AGPS: variants seen among roughly 807,000 people sequenced by gnomAD.
AGPS encodes alkylglycerone phosphate synthase, also known as alkyldihydroxyacetonephosphate synthase, peroxisomal.
A neutral mutation model predicts 90.7 loss-of-function variants in AGPS; 26 were observed. The observed-to-expected ratio is 0.29, with a 90% CI of 0.21 to 0.40. The LOEUF is 0.40. Among genes scored for constraint, AGPS ranks in the 10% least tolerant of loss-of-function variants. The pLI is 1.00. For missense variants in AGPS, 540 were observed against 816.1 expected (o/e 0.66, Z 4.12); for synonymous variants, 294 against 285.3 (o/e 1.03, Z -0.31).
chr2:177,470,164 A>G (rs1687570413), intron 10 of AGPS, among the ~76,000 whole-genome samples: 1 of 152,154 alleles, frequency 6.6e-6, no homozygotes, highest in Admixed American at 6.5e-5. Context: ...TGTCTGCCTC[A>G]TTATGAGGCT....
intron 12 of AGPS, among the ~76,000 whole-genome samples, chr2:177,493,589 CAAT>C (rs768805289): frequency 6.6e-5 from 10 of 152,138 alleles, no homozygotes; most frequent in Non-Finnish European, 1.2e-4. Flanking sequence ...GTGTGAAACT[CAAT>C]GATGTGTGTT....
chr2:177,404,731 C>A (rs906696731), intron 1 of AGPS, among the ~76,000 whole-genome samples: 5 of 152,122 alleles, frequency 3.3e-5, no homozygotes, highest in Middle Eastern at 3.2e-3. Flanking sequence ...GCTTTGATTT[C>A]CAGATAGTAT....
intron 8 of AGPS, among the ~76,000 whole-genome samples, chr2:177,458,915 C>A (rs1687200970): frequency 6.6e-6 from 1 of 152,172 alleles, no homozygotes; most frequent in Non-Finnish European, 1.5e-5. Context: ...TGCTACCTGA[C>A]TTCAAACTAT....
At position 177,442,371 on chromosome 2, in the gene AGPS, T is replaced by A. The variant is rs747618661; in HGVS notation, c.710-36T>A. 2.3e-5 allele frequency: 35 copies of A among 1,497,730 alleles called. No individual in the cohort carries two copies. In the South Asian group the frequency reaches 2.4e-4, roughly 10 times the overall value. 92.8% of individuals were successfully genotyped at this position (1,497,730 alleles called of 1,614,324 possible). A position where few individuals can be genotyped will look rare whatever the true frequency, so the allele number is the denominator to read the frequency against. ...TAGAAATATAGCTAAAAACAGAATA[T>A]TTAAACATAAAAGTTGTTGTTTCCT... On this transcript the variant is annotated intron_variant, in intron 6 of 19. Transcript: ENST00000264167.
intron 8 of AGPS, among the ~76,000 whole-genome samples, chr2:177,453,397 G>A (rs758540668): frequency 5.3e-5 from 8 of 151,220 alleles, no homozygotes; most frequent in Non-Finnish European, 1.2e-4. Flanking sequence ...TCAGCCTCCA[G>A]AGTAGCTGGG....
At chr2:177,507,164 C>T (rs1346194712) in intron 15 of AGPS, among the ~76,000 whole-genome samples, 1 of 151,916 alleles carries the variant, frequency 6.6e-6, no homozygotes, top group African/African-American at 2.4e-5. Flanking sequence ...TAGATCAGAT[C>T]AGTAATTTGG....
At chr2:177,498,563 C>T (rs1688474515) in intron 13 of AGPS, among the ~76,000 whole-genome samples, 1 of 150,874 alleles carries the variant, frequency 6.6e-6, no homozygotes, top group Non-Finnish European at 1.5e-5. Flanking sequence ...AAAAGCCTTC[C>T]TTCCTCCAGT....
intron 12 of AGPS, among the ~76,000 whole-genome samples, chr2:177,496,689 T>C (rs1188847718): frequency 6.6e-6 from 1 of 152,070 alleles, no homozygotes; most frequent in East Asian, 1.9e-4. Context: ...CAGTTTCCTA[T>C]TATAATCAGC....
At chr2:177,528,843 T>C (rs1414876807) in intron 19 of AGPS, among the ~76,000 whole-genome samples, 1 of 140,448 alleles carries the variant, frequency 7.1e-6, no homozygotes, top group African/African-American at 2.6e-5. Context: ...ATCTTGCATA[T>C]TAATCCTTTT....
chr2:177,427,284 A>T (rs2105617860), intron 2 of AGPS, among the ~76,000 whole-genome samples: 1 of 151,404 alleles, frequency 6.6e-6, no homozygotes, highest in African/African-American at 2.4e-5. Context: ...CTGCCTATTT[A>T]TTTTTTCAAA....
chr2:177,424,322 A>G (rs1023042252), intron 2 of AGPS, among the ~76,000 whole-genome samples: 4 of 152,174 alleles, frequency 2.6e-5, no homozygotes, highest in African/African-American at 7.2e-5. Flanking sequence ...ATAGTATTCC[A>G]TGGTGTATAT....
At chr2:177,454,400 C>T (rs138451609) in intron 8 of AGPS, among the ~76,000 whole-genome samples, 84 of 151,796 alleles carry the variant, frequency 5.5e-4, no homozygotes, top group African/African-American at 1.9e-3. Context: ...TTAATTTGGG[C>T]CTTTTTATAT....
rs917918245 is a variant in AGPS at position 177,534,619 on chromosome 2, G to A, written c.1856-3455G>A. Among the ~76,000 whole-genome samples, 101 of 135,602 alleles carry A rather than the reference G, an allele frequency of 7.4e-4. 2 individuals carry two copies. The highest frequency in any genetic ancestry group is 2.3e-4 in the Non-Finnish European group (15 of 65,748). The allele number at this position is 135,602 out of a possible 152,430, so 89.0% of individuals were successfully genotyped here. On this transcript the variant is annotated intron_variant, in intron 19 of 19. Transcript: ENST00000264167. ...TTTTTTTTGTGAGCTATGGAGTCTC[G>A]CTCTGTCACCTGGGCTAGAATGCAG... is the stretch of plus-strand genomic sequence containing the variant.
At chr2:177,465,850 T>C (rs1310949863) in intron 9 of AGPS, among the ~76,000 whole-genome samples, 1 of 152,268 alleles carries the variant, frequency 6.6e-6, no homozygotes, top group Non-Finnish European at 1.5e-5. Flanking sequence ...TTCCCTCTCG[T>C]TGCCCTCCAT....
chr2:177,521,878 T>C (rs941770922), intron 18 of AGPS, among the ~76,000 whole-genome samples: 2 of 152,236 alleles, frequency 1.3e-5, no homozygotes, highest in Non-Finnish European at 2.9e-5. Flanking sequence ...AAGCTTTCTC[T>C]TGATAACCAA....
At chr2:177,421,496 T>G (rs1417459313) in intron 2 of AGPS, among the ~76,000 whole-genome samples, 1 of 152,054 alleles carries the variant, frequency 6.6e-6, no homozygotes, top group African/African-American at 2.4e-5. Context: ...ACCTCAGGAA[T>G]AGTAATTTGA....
chr2:177,466,863 C>A (rs1687468393), intron 9 of AGPS, among the ~76,000 whole-genome samples: 1 of 152,048 alleles, frequency 6.6e-6, no homozygotes, highest in Admixed American at 6.5e-5. Context: ...GCAGCCACAG[C>A]TGGGTGGCTG....
At chr2:177,483,147 T>C (rs1182801035) in intron 11 of AGPS, among the ~76,000 whole-genome samples, 1 of 152,198 alleles carries the variant, frequency 6.6e-6, no homozygotes, top group Non-Finnish European at 1.5e-5. Context: ...GAGCAAGTAG[T>C]CTATGTTTAT....
Position 177,543,335 on chromosome 2 carries a change from G to A in AGPS, c.*5140G>A, listed in dbSNP as rs2079256412. ...TCAGAATAACGAATATTTCTGTTCT[G>A]GACAATGATTAAATCTTATGAGAAA... is the stretch of plus-strand genomic sequence containing the variant. On this transcript the variant is annotated 3_prime_UTR_variant, in exon 20 of 20. Transcript: ENST00000264167. The A allele has an allele frequency of 6.6e-6, 1 of 152,112 alleles. No individual in the cohort carries two copies. Among genetic ancestry groups the A allele is most frequent in the African/African-American group, 2.4e-5 (1 of 41,426 alleles). 9.4% of individuals were successfully genotyped at this position (152,112 alleles called of 1,614,324 possible). A position where few individuals can be genotyped will look rare whatever the true frequency, so the allele number is the denominator to read the frequency against.
Sources: allele counts gnomAD v4.1 joint callset (sites outside exome capture counted in the v4.1 genomes callset), GRCh38; gene constraint gnomAD v4.1.1; transcripts MANE v1.5; gene names NCBI Gene and HGNC (gene_info 2026-07-23, HGNC 2026-07-21).